The following DENND5A variants were observed in gnomAD, a reference collection of about 807,000 sequenced individuals.
The protein encoded by DENND5A is DENN domain-containing protein 5A.
DENND5A carries 64 observed loss-of-function variants against 140.3 expected under a neutral mutation model. That is an observed-to-expected ratio of 0.46 (90% CI 0.37 to 0.56). DENND5A has a LOEUF of 0.56. DENND5A is among the 20% of genes least tolerant of loss of function. The pLI, the probability that DENND5A is intolerant of heterozygous loss-of-function variation, is 0.00. For synonymous variants in DENND5A, 605 were observed against 607.7 expected (o/e 1.00, Z 0.07); for missense variants, 1,292 against 1,593.8 (o/e 0.81, Z 3.22).
At chr11:9,141,197 T>C (rs757149364) in intron 22 of DENND5A, among the ~76,000 whole-genome samples, 1 of 152,178 alleles carries the variant, frequency 6.6e-6, no homozygotes, top group Admixed American at 6.5e-5. Flanking sequence ...CCTACCAACT[T>C]CCATAAGGCC....
chr11:9,214,195 TC>T (rs939414193), intron 1 of DENND5A, among the ~76,000 whole-genome samples: 1 of 152,184 alleles, frequency 6.6e-6, no homozygotes, highest in Admixed American at 6.5e-5. Flanking sequence ...TGCTACCAAC[TC>T]ACACTTCTAT....
chr11:9,157,200 A>G (rs1291629641), intron 12 of DENND5A, among the ~76,000 whole-genome samples: 4 of 152,220 alleles, frequency 2.6e-5, no homozygotes, highest in Non-Finnish European at 2.9e-5. Flanking sequence ...CTTATTATAG[A>G]GAAAAAGAAA....
intron 1 of DENND5A, among the ~76,000 whole-genome samples, chr11:9,222,609 G>A (rs1850356820): frequency 6.6e-6 from 1 of 152,204 alleles, no homozygotes; most frequent in Admixed American, 6.5e-5. Flanking sequence ...CATAAGATCA[G>A]AGAATAGGGA....
In DENND5A at chr11:9,209,727, AG is replaced by A. The variant is rs757068685; in HGVS notation, c.110-2096del. Among the ~76,000 whole-genome samples the A allele has an allele frequency of 8.8e-4, 134 of 152,326 alleles. 1 individual carries two copies. Among genetic ancestry groups the A allele is most frequent in the Non-Finnish European group, 1.3e-3 (89 of 68,030 alleles). On this transcript the variant is annotated intron_variant, in intron 1 of 22. Coordinates refer to ENST00000328194, the MANE Select transcript of DENND5A (RefSeq NM_015213.4). ...GCCGCTCTACAAAGAGTGCCAGAAA[AG>A]GTAAGAGAAGGGGATTCACAAACCT...
chr11:9,145,260 A>G, intron 17 of DENND5A, 147 bp from the exon 18 acceptor site: 1 of 658,054 alleles, frequency 1.5e-6, no homozygotes. Flanking sequence ...TACCGCCAGA[A>G]CTGCGGTACA....
intron 8 of DENND5A, among the ~76,000 whole-genome samples, chr11:9,173,469 A>G (rs1194454306): frequency 6.6e-6 from 1 of 152,232 alleles, no homozygotes; most frequent in Admixed American, 6.5e-5. Context: ...AAAATAGATG[A>G]CAATAGCACG....
intron 3 of DENND5A, among the ~76,000 whole-genome samples, chr11:9,205,586 G>C (rs957986434): frequency 2.0e-5 from 3 of 152,116 alleles, no homozygotes; most frequent in African/African-American, 7.2e-5. Flanking sequence ...AAAAACTACA[G>C]AATGCTATTA....
chr11:9,261,917 G>A (rs1297038208), intron 1 of DENND5A, among the ~76,000 whole-genome samples: 2 of 151,690 alleles, frequency 1.3e-5, no homozygotes, highest in African/African-American at 4.8e-5. Context: ...ATGTGGTCTC[G>A]GCATTCCACT....
chr11:9,144,567 G>C (rs1174783450), intron 18 of DENND5A, among the ~76,000 whole-genome samples: 3 of 152,074 alleles, frequency 2.0e-5, no homozygotes, highest in Admixed American at 1.3e-4. Flanking sequence ...GAGGCGGCCG[G>C]ATCACCTGCG....
Position 9,193,687 on chromosome 11 carries a change from T to TCAA in DENND5A, c.950-9_950-7dup. The TCAA allele has an allele frequency of 3.8e-6, 6 of 1,595,538 alleles. No homozygotes were observed. Among genetic ancestry groups the TCAA allele is most frequent in the East Asian group, 4.5e-5 (2 of 44,550 alleles). ...AGTCATCAGTCTCTGGTAATCTGGG[T>TCAA]CAACAACAACAAAAAAAGCACACAC... On this transcript the variant is annotated splice_polypyrimidine_tract_variant and splice_region_variant and intron_variant, in intron 4 of 22. Transcript: ENST00000328194.
intron 1 of DENND5A, among the ~76,000 whole-genome samples, chr11:9,236,616 A>G: frequency 6.6e-6 from 1 of 152,056 alleles, no homozygotes; most frequent in East Asian, 1.9e-4. Flanking sequence ...GGCATTGGGC[A>G]CAACCCTGTA....
chr11:9,246,582 A>G lies in DENND5A; in HGVS notation c.109+18379T>C, dbSNP rs1044075008. 2.7e-5 allele frequency among the ~76,000 whole-genome samples: 4 copies of G among 148,538 alleles called. No homozygotes were observed. The Admixed American group carries it at 2.7e-4, about 10-fold the overall frequency. On this transcript the variant is annotated intron_variant, in intron 1 of 22. Coordinates refer to ENST00000328194, the MANE Select transcript of DENND5A (RefSeq NM_015213.4). The stretch of plus-strand genomic sequence containing the variant: ...AGCAGAGATTGCACCACTGTACTCC[A>G]GCCTAGGCCACAGAGTGAAACTAAG...
chr11:9,203,346 G>C (rs376061855), intron 4 of DENND5A, among the ~76,000 whole-genome samples: 1 of 152,268 alleles, frequency 6.6e-6, no homozygotes. Flanking sequence ...TGACAGAACA[G>C]AACTGATGGA....
intron 11 of DENND5A, 58 bp from the exon 12 acceptor site, chr11:9,160,923 C>T (rs528329439): frequency 2.2e-5 from 35 of 1,565,616 alleles, no homozygotes; most frequent in South Asian, 1.0e-4. Context: ...TACATACAAC[C>T]GGAGAGGGTT....
chr11:9,211,003 G>A (rs968470726), intron 1 of DENND5A, among the ~76,000 whole-genome samples: 3 of 152,174 alleles, frequency 2.0e-5, no homozygotes, highest in Non-Finnish European at 4.4e-5. Context: ...AGACAAGTAT[G>A]AGCTTGTCTG....
intron 1 of DENND5A, among the ~76,000 whole-genome samples, chr11:9,219,460 TAA>T (rs773997960): frequency 1.4e-4 from 21 of 151,776 alleles, no homozygotes; most frequent in Non-Finnish European, 2.8e-4. Flanking sequence ...AGCCAAATAA[TAA>T]GAGAGTAAAA....
chr11:9,181,518 G>A (rs977875412), intron 5 of DENND5A, among the ~76,000 whole-genome samples: 5 of 151,980 alleles, frequency 3.3e-5, no homozygotes, highest in Middle Eastern at 3.2e-3. Flanking sequence ...CGGATCACTT[G>A]AACCCAGACT....
chr11:9,239,389 T>A (rs1851140558), intron 1 of DENND5A, among the ~76,000 whole-genome samples: 1 of 146,660 alleles, frequency 6.8e-6, no homozygotes, highest in Admixed American at 6.9e-5. Flanking sequence ...CAGGCTGGAG[T>A]ACAGTGGTGT....
At position 9,204,016 on chromosome 11, in the gene DENND5A, C is replaced by T. The variant is rs369437857; in HGVS notation, c.593G>A (p.Arg198Gln). 6.8e-6 allele frequency: 11 copies of T among 1,613,914 alleles called. No homozygotes were observed. The highest frequency in any genetic ancestry group is 2.2e-5 in the East Asian group (1 of 44,888). Residue 198 changes from arginine to glutamine, a missense_variant, in exon 4 of 23, where the codon CGG (arginine) becomes CAG (glutamine). Arg to Gln is a conservative substitution (Grantham distance 43). Coordinates refer to ENST00000328194, the MANE Select transcript of DENND5A (RefSeq NM_015213.4). ...LQRFNSYDIS[R>Q]DTLYVSKCIC... ...GCACTTAGAGACGTAGAGAGTGTCCCGGCTAATGTCATAGGAGTTGAAGCG... is the reference window on the plus strand; with the variant it reads ...GCACTTAGAGACGTAGAGAGTGTCCTGGCTAATGTCATAGGAGTTGAAGCG...
Sources: gnomAD v4.1 joint callset for allele counts (sites outside exome capture counted in the v4.1 genomes callset) on GRCh38, gnomAD v4.1.1 for gene constraint, MANE v1.5 for transcripts, NCBI Gene and HGNC (gene_info 2026-07-23, HGNC 2026-07-21) for gene names.